The following FDFT1 variants were observed in gnomAD, a reference collection of about 807,000 sequenced individuals.
FDFT1 encodes squalene synthase.
Under a neutral mutation model 46.8 loss-of-function variants are expected in FDFT1, and 68 were observed. The observed-to-expected ratio is 1.45, with a 90% CI of 1.19 to 1.78. FDFT1 has a LOEUF of 1.78. Ranked by LOEUF, FDFT1 falls within the 40% of genes most tolerant of loss-of-function variation. The pLI is 0.00. For missense variants in FDFT1, 928 were observed against 524.4 expected, an observed-to-expected ratio of 1.77 and a Z score of -7.52; for synonymous variants, 351 against 185.1, an observed-to-expected ratio of 1.90 and a Z score of -7.28.
upstream of FDFT1, chr8:11,797,927 C>G (rs1805730141): frequency 6.6e-6 from 1 of 152,230 alleles, no homozygotes. Flanking sequence ...GGACAGGAGG[C>G]TGAAATCCCA....
At chr8:11,798,907 T>A (rs1474577489), upstream of FDFT1, among the ~76,000 whole-genome samples, 1 of 152,214 alleles carries the variant, frequency 6.6e-6, no homozygotes, top group African/African-American at 2.4e-5. Context: ...CTTTATTTCT[T>A]CTAAAGGGTT....
intron 7 of FDFT1, among the ~76,000 whole-genome samples, chr8:11,833,504 A>T (rs73663018): frequency 0.022 from 3,376 of 152,348 alleles, 123 homozygotes; most frequent in African/African-American, 0.076. Flanking sequence ...TTTAGAAACC[A>T]GTTTTTAAAC....
Position 11,809,797 on chromosome 8 carries a change from CG to C in FDFT1, c.330del (p.Phe111SerfsTer32), listed in dbSNP as rs1175702249. ...CTCTTTCCTTTACCAACCAGACTGG[CG>C]GTTCATGGAGAGCAAGGAGAAGGAT... ...FHSFLYQPDW[R>X]FMESKEKDRQ... is the part of the protein sequence containing the mutation. On this transcript the variant is annotated frameshift_variant, in exon 3 of 8. Transcript: ENST00000220584. LOFTEE classifies it high-confidence loss of function. 6.2e-7 allele frequency: 1 copy of C among 1,613,950 alleles called. No individual in the cohort carries two copies. Among genetic ancestry groups the C allele is most frequent in the Non-Finnish European group, 8.5e-7 (1 of 1,179,978 alleles).
chr8:11,816,030 G>C (rs1808400460), intron 3 of FDFT1, among the ~76,000 whole-genome samples: 1 of 152,138 alleles, frequency 6.6e-6, no homozygotes, highest in East Asian at 1.9e-4. Flanking sequence ...AGTCCATCTT[G>C]AGTTAATTTT....
chr8:11,824,523 G>T (rs1809695966), intron 4 of FDFT1, among the ~76,000 whole-genome samples: 2 of 151,968 alleles, frequency 1.3e-5, no homozygotes, highest in South Asian at 4.1e-4. Context: ...ACCTTCCTGG[G>T]TTCAAGCGAG....
At chr8:11,832,551 C>CAAAAAAAAAAAAAAAAATAAAAAAA (rs1810951068) in intron 7 of FDFT1, among the ~76,000 whole-genome samples, 1 of 36,358 alleles carries the variant, frequency 2.8e-5, no homozygotes, top group Non-Finnish European at 5.5e-5. Context: ...GACTTTGTCT[C>CAAAAAAAAAAAAAAAAATAAAAAAA]AAAAAAAAAA....
At chr8:11,829,016 A>G (rs1052474373) in intron 5 of FDFT1, among the ~76,000 whole-genome samples, 3 of 152,092 alleles carry the variant, frequency 2.0e-5, no homozygotes, top group Non-Finnish European at 4.4e-5. Context: ...TCTTGGGTCT[A>G]TGCTGAGAAG....
chr8:11,832,529 G>C (rs1810942714), intron 7 of FDFT1, among the ~76,000 whole-genome samples: 1 of 117,160 alleles, frequency 8.5e-6, no homozygotes, highest in Non-Finnish European at 1.7e-5. Flanking sequence ...TCTAGCCTGG[G>C]TGATAGAGTG....
At chr8:11,835,867 C>T (rs1359618409) in intron 7 of FDFT1, among the ~76,000 whole-genome samples, 1 of 147,892 alleles carries the variant, frequency 6.8e-6, no homozygotes, top group African/African-American at 2.5e-5. Context: ...AGCATGGTGG[C>T]TGATGCCTCT....
rs776532401 is a variant in FDFT1 at position 11,838,766 on chromosome 8, A to C, written c.*157A>C. The C allele has an allele frequency of 7.6e-6, 5 of 655,204 alleles. No homozygotes were observed. Among genetic ancestry groups the C allele is most frequent in the African/African-American group, 1.8e-5 (1 of 55,192 alleles). The allele number at this position is 655,204 out of a possible 1,614,324, so 40.6% of individuals were successfully genotyped here. ...TTTAGGAAAGTGAAATGCAGGTGAG[A>C]AGAACCTAAACATGAAAGGAAAGGG... is the stretch of plus-strand genomic sequence containing the variant. On this transcript the variant is annotated 3_prime_UTR_variant, in exon 8 of 8. Coordinates refer to ENST00000220584, the MANE Select transcript of FDFT1 (RefSeq NM_004462.5).
In FDFT1 at chr8:11,825,998, A is replaced by T. The variant is rs770080648; in HGVS notation, c.511-26A>T. On this transcript the variant is annotated intron_variant, in intron 4 of 7. Coordinates refer to ENST00000220584, the MANE Select transcript of FDFT1 (RefSeq NM_004462.5). Reference sequence around the variant, plus strand: ...ATTTCAGTAAAAATTCCATTATTAAAGTGCTTTAAAAATCGTCTCTTACAG... The same window carrying T: ...ATTTCAGTAAAAATTCCATTATTAATGTGCTTTAAAAATCGTCTCTTACAG... 4 of 1,489,872 alleles carry T rather than the reference A, an allele frequency of 2.7e-6. No homozygotes were observed. The South Asian group carries it at 5.5e-5, about 20-fold the overall frequency. The allele number at this position is 1,489,872 out of a possible 1,614,324, so 92.3% of individuals were successfully genotyped here.
At chr8:11,811,820 T>A (rs191729735) in intron 3 of FDFT1, among the ~76,000 whole-genome samples, 2 of 152,344 alleles carry the variant, frequency 1.3e-5, no homozygotes, top group East Asian at 3.9e-4. Context: ...CTAAGTTGTG[T>A]GTTTTGCGTG....
intron 1 of FDFT1, chr8:11,803,406 G>T (rs1204292533): frequency 6.2e-6 from 8 of 1,289,170 alleles, no homozygotes; most frequent in Admixed American, 2.3e-5. Context: ...CCGCCTTGCT[G>T]CCTTCCATCG....
Position 11,825,745 on chromosome 8 carries a change from T to G in FDFT1, c.511-279T>G, listed in dbSNP as rs538323797. 8.5e-4 allele frequency among the ~76,000 whole-genome samples: 130 copies of G among 152,140 alleles called. 1 individual carries two copies. Among genetic ancestry groups the G allele is most frequent in the African/African-American group, 2.6e-3 (108 of 41,512 alleles). On this transcript the variant is annotated intron_variant, in intron 4 of 7. Transcript: ENST00000220584. ...TTTACTAGTTTTTTTCAGTAGCCTT[T>G]TATTATAGTAGCAGTACATGTGTAT...
At chr8:11,818,273 T>C (rs977307997) in intron 3 of FDFT1, among the ~76,000 whole-genome samples, 1 of 152,198 alleles carries the variant, frequency 6.6e-6, no homozygotes, top group African/African-American at 2.4e-5. Context: ...GCAGTGTTTT[T>C]CTTCCAATTC....
chr8:11,824,242 G>C (rs1423529960), intron 4 of FDFT1, among the ~76,000 whole-genome samples: 1 of 152,074 alleles, frequency 6.6e-6, no homozygotes, highest in Non-Finnish European at 1.5e-5. Context: ...GACAATTATT[G>C]TATGTGGATA....
chr8:11,809,170 A>G, intron 2 of FDFT1: 1 of 1,276,970 alleles, frequency 7.8e-7, no homozygotes, highest in Non-Finnish European at 9.9e-7. Flanking sequence ...GCCTGTGAGC[A>G]GGTCGTGTAT....
At chr8:11,826,559 ATCCCAACAGTT>A (rs1231041475) in intron 5 of FDFT1, among the ~76,000 whole-genome samples, 1 of 152,186 alleles carries the variant, frequency 6.6e-6, no homozygotes, top group Non-Finnish European at 1.5e-5. Flanking sequence ...CATGCCTGTA[ATCCCAACAGTT>A]TGAGAGGCCA....
intron 3 of FDFT1, among the ~76,000 whole-genome samples, chr8:11,812,680 T>G (rs945814336): frequency 2.6e-5 from 4 of 152,220 alleles, no homozygotes; most frequent in South Asian, 2.1e-4. Context: ...CTACATATAG[T>G]ATGTGGGCCT....
Sources: gnomAD v4.1 joint callset for allele counts (sites outside exome capture counted in the v4.1 genomes callset) on GRCh38, gnomAD v4.1.1 for gene constraint, MANE v1.5 for transcripts, NCBI Gene and HGNC (gene_info 2026-07-23, HGNC 2026-07-21) for gene names.